Variants in ATG5 observed in about 807,000 individuals in gnomAD.
The protein encoded by ATG5 is autophagy protein 5.
A neutral mutation model predicts 36.5 loss-of-function variants in ATG5; 14 were observed. The ratio of observed to expected loss-of-function variants is 0.38; its 90% CI spans 0.25 to 0.60. The LOEUF (loss-of-function observed/expected upper bound fraction) is 0.60, where lower values mean the gene tolerates loss of function less well. Among genes scored for constraint, ATG5 ranks in the 20% least tolerant of loss-of-function variants. ATG5 has a pLI of 0.60. For missense variants in ATG5, 195 were observed against 326.7 expected (o/e 0.60, Z 3.11); for synonymous variants, 95 against 101.5 (o/e 0.94, Z 0.38).
intron 5 of ATG5, among the ~76,000 whole-genome samples, chr6:106,248,899 T>C (rs888729959): frequency 1.4e-4 from 21 of 152,002 alleles, no homozygotes; most frequent in Non-Finnish European, 2.4e-4. Context: ...GATCACGCCA[T>C]TGCACTCCAG....
intron 6 of ATG5, among the ~76,000 whole-genome samples, chr6:106,242,167 A>G (rs1778155215): frequency 6.6e-6 from 1 of 152,140 alleles, no homozygotes; most frequent in South Asian, 2.1e-4. Flanking sequence ...TTTATAGAAG[A>G]CAGGGTTTCA....
chr6:106,274,623 G>A (rs567168285), intron 5 of ATG5, among the ~76,000 whole-genome samples: 162 of 152,108 alleles, frequency 1.1e-3, no homozygotes, highest in African/African-American at 3.8e-3. Flanking sequence ...TCTTTTGGAA[G>A]AAAAAACTCT....
chr6:106,308,632 T>TA (rs1166992192), intron 2 of ATG5, 141 bp from the exon 3 acceptor site: 1 of 639,566 alleles, frequency 1.6e-6, no homozygotes, highest in Non-Finnish European at 2.4e-6. Flanking sequence ...TACTGCTTTT[T>TA]ATAGAAGATC....
intron 6 of ATG5, among the ~76,000 whole-genome samples, chr6:106,234,965 T>C (rs1777836444): frequency 2.7e-5 from 4 of 150,280 alleles, no homozygotes; most frequent in Admixed American, 2.0e-4. Context: ...TGTTTATTTT[T>C]AGGGGAAGAA....
chr6:106,263,047 C>T (rs1212335621), intron 5 of ATG5, among the ~76,000 whole-genome samples: 2 of 152,232 alleles, frequency 1.3e-5, no homozygotes, highest in African/African-American at 2.4e-5. Context: ...AGTGGTCTCG[C>T]TCAGTGGGTC....
intron 6 of ATG5, among the ~76,000 whole-genome samples, chr6:106,241,604 CTA>C (rs1019045056): frequency 2.6e-5 from 4 of 152,150 alleles, no homozygotes; most frequent in African/African-American, 4.8e-5. Context: ...CTGGATGCTT[CTA>C]TATATATGTT....
At chr6:106,297,008 T>G (rs1457947266) in intron 3 of ATG5, among the ~76,000 whole-genome samples, 1 of 152,242 alleles carries the variant, frequency 6.6e-6, no homozygotes, top group African/African-American at 2.4e-5. Flanking sequence ...CTCTAGACTT[T>G]AATGACAATA....
At chr6:106,258,109 C>T (rs571058949) in intron 5 of ATG5, among the ~76,000 whole-genome samples, 2 of 152,036 alleles carry the variant, frequency 1.3e-5, no homozygotes, top group South Asian at 2.1e-4. Context: ...ACTTGTAATG[C>T]TTGATGGCTC....
chr6:106,196,034 A>G (rs1176157104), intron 7 of ATG5, among the ~76,000 whole-genome samples: 1 of 152,190 alleles, frequency 6.6e-6, no homozygotes, highest in Non-Finnish European at 1.5e-5. Flanking sequence ...TGTCAGTTCA[A>G]AGCACTTGAA....
intron 6 of ATG5, among the ~76,000 whole-genome samples, chr6:106,206,575 A>C (rs1051969328): frequency 3.3e-5 from 5 of 151,748 alleles, no homozygotes; most frequent in African/African-American, 1.2e-4. Flanking sequence ...ACTTGAACCC[A>C]GAAGGCAGAG....
intron 4 of ATG5, among the ~76,000 whole-genome samples, chr6:106,281,775 C>A (rs1433666622): frequency 6.6e-6 from 1 of 152,166 alleles, no homozygotes; most frequent in African/African-American, 2.4e-5. Context: ...ACATGATGTA[C>A]AATTTTACAC....
At chr6:106,287,393 T>C (rs1780120458) in intron 4 of ATG5, among the ~76,000 whole-genome samples, 2 of 152,244 alleles carry the variant, frequency 1.3e-5, no homozygotes, top group Admixed American at 1.3e-4. Flanking sequence ...CCTGCTGTGC[T>C]TGAAAGACAG....
chr6:106,208,150 A>G (rs1463146637), intron 6 of ATG5, among the ~76,000 whole-genome samples: 1 of 151,710 alleles, frequency 6.6e-6, no homozygotes, highest in Non-Finnish European at 1.5e-5. Context: ...CCATGGACAC[A>G]ACTACCTATC....
At chr6:106,285,366 T>C (rs1326282548) in intron 4 of ATG5, among the ~76,000 whole-genome samples, 4 of 152,240 alleles carry the variant, frequency 2.6e-5, no homozygotes, top group African/African-American at 9.6e-5. Flanking sequence ...AAATTTTTTT[T>C]TATTTGATAT....
chr6:106,268,351 T>C (rs965739249), intron 5 of ATG5, among the ~76,000 whole-genome samples: 1 of 152,136 alleles, frequency 6.6e-6, no homozygotes, highest in African/African-American at 2.4e-5. Context: ...CCAGTTAGAA[T>C]GGGGATTATT....
intron 6 of ATG5, among the ~76,000 whole-genome samples, chr6:106,226,211 T>G (rs1172965818): frequency 6.6e-6 from 1 of 151,860 alleles, no homozygotes; most frequent in African/African-American, 2.4e-5. Context: ...ATCACTAAAC[T>G]CACCAAGCAG....
At chr6:106,232,700 C>T (rs1385449877) in intron 6 of ATG5, among the ~76,000 whole-genome samples, 1 of 152,098 alleles carries the variant, frequency 6.6e-6, no homozygotes, top group Non-Finnish European at 1.5e-5. Context: ...TTTAGGAGTA[C>T]AGAAACCCAG....
intron 1 of ATG5, among the ~76,000 whole-genome samples, chr6:106,323,260 CTTTTTTT>C (rs71274321): frequency 4.7e-5 from 3 of 64,222 alleles, no homozygotes; most frequent in South Asian, 8.6e-4. Context: ...TGGAAAAGTC[CTTTTTTT>C]TTTTTTTTTT....
intron 5 of ATG5, among the ~76,000 whole-genome samples, chr6:106,258,404 TA>T (rs1399331770): frequency 6.6e-6 from 1 of 152,092 alleles, no homozygotes; most frequent in Non-Finnish European, 1.5e-5. Context: ...AAAGTGCTAT[TA>T]AAAACAAACA....
Sources: allele counts gnomAD v4.1 joint callset (sites outside exome capture counted in the v4.1 genomes callset), GRCh38; gene constraint gnomAD v4.1.1; transcripts MANE v1.5; gene names NCBI Gene and HGNC (gene_info 2026-07-23, HGNC 2026-07-21).